The following SLC5A8 variants were observed in gnomAD, a reference collection of about 807,000 sequenced individuals.
SLC5A8 encodes sodium-coupled monocarboxylate transporter 1.
A neutral mutation model predicts 71.9 loss-of-function variants in SLC5A8; 55 were observed. The observed-to-expected ratio is 0.77, with a 90% CI of 0.62 to 0.96. SLC5A8 has a LOEUF of 0.96. Ranked by LOEUF, SLC5A8 falls within the 40% of genes least tolerant of loss-of-function variation. The pLI is 0.00. For synonymous variants in SLC5A8, 307 were observed against 276.1 expected, an observed-to-expected ratio of 1.11 and a Z score of -1.11; for missense variants, 701 against 745.3, an observed-to-expected ratio of 0.94 and a Z score of 0.69.
intron 3 of SLC5A8, among the ~76,000 whole-genome samples, chr12:101,196,833 G>A (rs1709190): frequency 6.6e-6 from 1 of 152,024 alleles, no homozygotes; most frequent in Non-Finnish European, 1.5e-5. Context: ...AAAATCAACA[G>A]AGGAAATTTA....
intron 6 of SLC5A8, among the ~76,000 whole-genome samples, chr12:101,188,988 C>T (rs1420327482): frequency 6.6e-6 from 1 of 152,164 alleles, no homozygotes; most frequent in Non-Finnish European, 1.5e-5. Flanking sequence ...TTCATTCTTA[C>T]CATAGCGTAA....
intron 9 of SLC5A8, among the ~76,000 whole-genome samples, chr12:101,181,674 T>C (rs932227690): frequency 6.6e-6 from 1 of 152,214 alleles, no homozygotes; most frequent in African/African-American, 2.4e-5. Context: ...TTTGTCTGGC[T>C]TCAAAAGCAT....
intron 2 of SLC5A8, among the ~76,000 whole-genome samples, chr12:101,203,859 C>T (rs761006826): frequency 6.6e-6 from 1 of 152,162 alleles, no homozygotes; most frequent in Non-Finnish European, 1.5e-5. Context: ...TTGGCAAATC[C>T]TTGCTTTCCC....
At chr12:101,195,031 C>G (rs1299265306) in intron 4 of SLC5A8, 64 bp downstream of exon 4, 2 of 1,541,344 alleles carry the variant, frequency 1.3e-6, no homozygotes, top group Admixed American at 1.7e-5. Flanking sequence ...TATACAACAA[C>G]TGGAATTTTC....
chr12:101,201,020 A>C (rs759983180), intron 3 of SLC5A8, among the ~76,000 whole-genome samples: 6 of 152,220 alleles, frequency 3.9e-5, no homozygotes, highest in Non-Finnish European at 8.8e-5. Flanking sequence ...CTTCACTTTC[A>C]TTCTAATTTA....
intron 12 of SLC5A8, among the ~76,000 whole-genome samples, chr12:101,162,757 C>T (rs1189382401): frequency 6.6e-6 from 1 of 152,060 alleles, no homozygotes; most frequent in East Asian, 1.9e-4. Flanking sequence ...TGAAGGGAGA[C>T]AGGCAAGAGT....
At position 101,204,583 on chromosome 12, in the gene SLC5A8, AT is replaced by A; in HGVS notation, c.352-19del. ...TCTAAATACTGTTGCAAAAAAAAAAATTATGCGAATCCTCTGGATGCCTTTT... is the reference window on the plus strand; with the variant it reads ...TCTAAATACTGTTGCAAAAAAAAAAATATGCGAATCCTCTGGATGCCTTTT... On this transcript the variant is annotated intron_variant, in intron 1 of 14. Coordinates refer to ENST00000536262, the MANE Select transcript of SLC5A8 (RefSeq NM_145913.5). 3 of 1,549,340 alleles carry A rather than the reference AT, an allele frequency of 1.9e-6. No homozygotes were observed. Among genetic ancestry groups the A allele is most frequent in the South Asian group, 1.2e-5 (1 of 81,518 alleles).
chr12:101,160,606 G>A (rs750180881), intron 13 of SLC5A8, among the ~76,000 whole-genome samples: 20 of 152,154 alleles, frequency 1.3e-4, no homozygotes, highest in Non-Finnish European at 1.5e-4. Context: ...AGGGAGCCCA[G>A]CATGTTTCAC....
At chr12:101,196,997 C>T (rs886574396) in intron 3 of SLC5A8, among the ~76,000 whole-genome samples, 3 of 152,106 alleles carry the variant, frequency 2.0e-5, no homozygotes, top group Non-Finnish European at 4.4e-5. Flanking sequence ...AAGGGGGCTC[C>T]GGCTGGATAA....
intron 6 of SLC5A8, among the ~76,000 whole-genome samples, chr12:101,188,689 C>T (rs1868767979): frequency 6.6e-6 from 1 of 152,178 alleles, no homozygotes; most frequent in African/African-American, 2.4e-5. Context: ...TCCATGCTAA[C>T]CTCAACCTCA....
At chr12:101,159,995 A>C (rs2051709383) in intron 13 of SLC5A8, among the ~76,000 whole-genome samples, 1 of 152,222 alleles carries the variant, frequency 6.6e-6, no homozygotes, top group African/African-American at 2.4e-5. Context: ...CAGCCTGGCC[A>C]ATATGGTGAA....
At chr12:101,202,084 A>G (rs1439203902) in intron 3 of SLC5A8, 80 bp downstream of exon 3, 28 of 1,374,258 alleles carry the variant, frequency 2.0e-5, no homozygotes, top group African/African-American at 2.9e-5. Context: ...CCATCTCCCC[A>G]TCTCCCCAAG....
chr12:101,184,212 T>A lies in SLC5A8; in HGVS notation c.974A>T (p.Tyr325Phe). Reference sequence around the variant, plus strand: ...ATCTTGCAGAATGTCCAGTACCAAATAAGGCATGAGCTGAAAAATTCCAAA... The same window carrying A: ...ATCTTGCAGAATGTCCAGTACCAAAAAAGGCATGAGCTGAAAAATTCCAAA... ...KVSAPDQLMP[Y>F]LVLDILQDYP... Residue 325 changes from tyrosine (Y) to phenylalanine (F), a missense_variant, in exon 8 of 15, where the codon TAT (tyrosine) becomes TTT (phenylalanine). Transcript: ENST00000536262. The A allele has an allele frequency of 1.9e-6, 3 of 1,613,998 alleles. No homozygotes were observed. Among genetic ancestry groups the A allele is most frequent in the African/African-American group, 2.7e-5 (2 of 75,036 alleles).
intron 3 of SLC5A8, among the ~76,000 whole-genome samples, chr12:101,199,085 A>T (rs1869321818): frequency 6.6e-6 from 1 of 152,006 alleles, no homozygotes; most frequent in South Asian, 2.1e-4. Context: ...AACATATAAA[A>T]GTCAGTTGTA....
At chr12:101,174,216 C>A (rs945850028) in intron 10 of SLC5A8, among the ~76,000 whole-genome samples, 1 of 152,206 alleles carries the variant, frequency 6.6e-6, no homozygotes, top group Non-Finnish European at 1.5e-5. Flanking sequence ...TCCTCAATGC[C>A]AGTTGTGTTC....
intron 1 of SLC5A8, among the ~76,000 whole-genome samples, chr12:101,208,505 C>A (rs1322574089): frequency 6.6e-6 from 1 of 152,130 alleles, no homozygotes; most frequent in African/African-American, 2.4e-5. Context: ...TGAACTGGGC[C>A]CCGCCACTCC....
At chr12:101,160,701 A>T (rs1041809759) in intron 13 of SLC5A8, among the ~76,000 whole-genome samples, 5 of 152,200 alleles carry the variant, frequency 3.3e-5, no homozygotes, top group African/African-American at 1.2e-4. Flanking sequence ...GTTCCCCTAC[A>T]GACTATTCTC....
Position 101,156,550 on chromosome 12 carries a change from T to A in SLC5A8, c.*729A>T, listed in dbSNP as rs1306012803. On this transcript the variant is annotated 3_prime_UTR_variant, in exon 15 of 15. Coordinates refer to ENST00000536262, the MANE Select transcript of SLC5A8 (RefSeq NM_145913.5). ...GCACAATAAAACCCAAGTTGATAGGTCAGAAACTGGGCATGCAGATAAAAA... is the reference window on the plus strand; with the variant it reads ...GCACAATAAAACCCAAGTTGATAGGACAGAAACTGGGCATGCAGATAAAAA... The A allele has an allele frequency of 1.3e-5, 2 of 152,058 alleles. No individual in the cohort carries two copies. The highest frequency in any genetic ancestry group is 2.9e-5 in the Non-Finnish European group (2 of 68,024). 9.4% of individuals were successfully genotyped at this position (152,058 alleles called of 1,614,324 possible).
chr12:101,187,395 T>C lies in SLC5A8; in HGVS notation c.954A>G (p.Ala318=). 1 of 1,613,706 alleles carries C rather than the reference T, an allele frequency of 6.2e-7. No individual in the cohort carries two copies. The highest frequency in any genetic ancestry group is 8.5e-7 in the Non-Finnish European group (1 of 1,179,838). The stretch of plus-strand genomic sequence containing the variant: ...AGACATGGTACTGAACCTGGTCTGG[T>C]GCAGACACTTTCTTGGCTGTCCAAG... ...CDPWTAKKVS[A]PDQLMPYLVL... is the part of the protein sequence containing the mutation. The change falls in exon 7 of 15, where the codon GCA becomes GCG. Residue 318 remains alanine, a synonymous_variant. Coordinates refer to ENST00000536262, the MANE Select transcript of SLC5A8 (RefSeq NM_145913.5).
Sources: allele counts gnomAD v4.1 joint callset (sites outside exome capture counted in the v4.1 genomes callset), GRCh38; gene constraint gnomAD v4.1.1; transcripts MANE v1.5; gene names NCBI Gene and HGNC (gene_info 2026-07-23, HGNC 2026-07-21).